Variants in DOCK1 observed in about 807,000 individuals in gnomAD.
The protein encoded by DOCK1 is dedicator of cytokinesis 1.
A neutral mutation model predicts 262.7 loss-of-function variants in DOCK1; 138 were observed. That is an observed-to-expected ratio of 0.53 (90% confidence interval 0.46 to 0.61). The LOEUF is 0.61. Among genes scored for constraint, DOCK1 ranks in the 20% least tolerant of loss-of-function variants. The probability of loss-of-function intolerance (pLI) is 0.00; values close to 1 mark genes in which losing one functional copy is unlikely to be tolerated. For missense variants in DOCK1, 1,908 were observed against 2,370.7 expected, an observed-to-expected ratio of 0.80 and a Z score of 4.05; for synonymous variants, 866 against 867.4, an observed-to-expected ratio of 1.00 and a Z score of 0.03.
chr10:127,390,234 C>T (rs2066395649), intron 38 of DOCK1, among the ~76,000 whole-genome samples: 1 of 152,136 alleles, frequency 6.6e-6, no homozygotes, highest in Admixed American at 6.5e-5. Flanking sequence ...CAGCTGAGCA[C>T]CAGAGAAACC....
intron 2 of DOCK1, among the ~76,000 whole-genome samples, chr10:126,971,693 C>T (rs1032554032): frequency 2.6e-5 from 4 of 152,184 alleles, no homozygotes; most frequent in African/African-American, 9.6e-5. Context: ...GCTGGAATTA[C>T]AGGCGTGAGC....
In DOCK1 at chr10:126,995,633, AGAGAGGGAGAGGGAGACCGTG is replaced by A. The variant is rs1482529418; in HGVS notation, c.474-1077_474-1057del. ...TCGGCATCAGAGGCAGACCGTGGAG[AGAGAGGGAGAGGGAGACCGTG>A]GAGAGGGAGAGGGAGACCGTGGAGA... On this transcript the variant is annotated intron_variant, in intron 6 of 51. Transcript: ENST00000623213. The surrounding 1 kb of genome is among the most constrained non-coding windows in gnomAD (Gnocchi z 5.8). Among the ~76,000 whole-genome samples, 38 of 151,966 alleles carry A rather than the reference AGAGAGGGAGAGGGAGACCGTG, an allele frequency of 2.5e-4. No homozygotes were observed. Among genetic ancestry groups the A allele is most frequent in the African/African-American group, 4.3e-4 (18 of 41,476 alleles).
At chr10:126,966,195 A>G (rs1247350302) in intron 1 of DOCK1, among the ~76,000 whole-genome samples, 2 of 151,954 alleles carry the variant, frequency 1.3e-5, no homozygotes, top group Admixed American at 6.6e-5. Context: ...ACAAGATTCT[A>G]TTTTTTTTAA....
intron 37 of DOCK1, 30 bp from the exon 38 acceptor site, chr10:127,384,760 G>C (rs779401251): frequency 3.3e-6 from 5 of 1,520,644 alleles, no homozygotes; most frequent in South Asian, 1.3e-5. Flanking sequence ...TTTCCGCCTC[G>C]GGTCCGCTCA....
chr10:127,419,138 G>A (rs2068342287), intron 45 of DOCK1, among the ~76,000 whole-genome samples: 1 of 152,196 alleles, frequency 6.6e-6, no homozygotes, highest in Non-Finnish European at 1.5e-5. Flanking sequence ...ATAGAGACCT[G>A]TATGGTCCAC....
At chr10:127,114,759 C>CT (rs57979480) in intron 25 of DOCK1, among the ~76,000 whole-genome samples, 378 of 108,288 alleles carry the variant, frequency 3.5e-3, no homozygotes, top group Admixed American at 5.8e-3. Context: ...TTTTTTCTTT[C>CT]TTTTTTTTTT....
intron 23 of DOCK1, among the ~76,000 whole-genome samples, chr10:127,099,177 C>G (rs1041597098): frequency 6.6e-6 from 1 of 152,140 alleles, no homozygotes; most frequent in African/African-American, 2.4e-5. Context: ...GAGAGGAATG[C>G]TTCTTGAAAA....
chr10:127,351,617 G>A (rs1253070757), intron 31 of DOCK1, among the ~76,000 whole-genome samples: 3 of 152,082 alleles, frequency 2.0e-5, no homozygotes, highest in African/African-American at 7.2e-5. Context: ...TTTATTGCTA[G>A]AGAGGAACTT....
At chr10:127,384,718 C>G in intron 37 of DOCK1, 72 bp from the exon 38 acceptor site, 2 of 1,452,348 alleles carry the variant, frequency 1.4e-6, no homozygotes, top group South Asian at 3.2e-5. Flanking sequence ...GTGTCCGATG[C>G]GAAGCTCACA....
chr10:126,962,651 G>A (rs1417514043), intron 1 of DOCK1, among the ~76,000 whole-genome samples: 1 of 152,144 alleles, frequency 6.6e-6, no homozygotes, highest in African/African-American at 2.4e-5. Context: ...TAGGGGATTT[G>A]TAAATACTTT....
At chr10:127,301,048 A>G (rs2061662182) in intron 29 of DOCK1, among the ~76,000 whole-genome samples, 1 of 152,210 alleles carries the variant, frequency 6.6e-6, no homozygotes, top group African/African-American at 2.4e-5. Context: ...TCTCTGGGGA[A>G]GAGGAGTCAG....
At chr10:126,976,944 A>G (rs1453636769) in intron 2 of DOCK1, among the ~76,000 whole-genome samples, 1 of 152,204 alleles carries the variant, frequency 6.6e-6, no homozygotes, top group Non-Finnish European at 1.5e-5. Context: ...CATGTTGGCC[A>G]GGCTGGTCTT....
chr10:127,374,673 TCCTGGATTA>T (rs1334023105), intron 35 of DOCK1, among the ~76,000 whole-genome samples: 1 of 152,210 alleles, frequency 6.6e-6, no homozygotes, highest in East Asian at 1.9e-4. Flanking sequence ...GATGGGATTA[TCCTGGATTA>T]CCTGCAAGGG....
At chr10:127,348,321 A>G (rs1389562494) in intron 31 of DOCK1, among the ~76,000 whole-genome samples, 1 of 152,006 alleles carries the variant, frequency 6.6e-6, no homozygotes, top group Non-Finnish European at 1.5e-5. Context: ...TTTTTACATT[A>G]TTGGGGTGCA....
rs745344562 is a variant in DOCK1, at chr10:127,155,392, T to A, written c.2847+27628T>A. Reference sequence around the variant, plus strand: ...GTGACCATATTCTGCTCCAAAGTGTTGCCAGGCACTTTCTGTGATTCATCA... The same window carrying A: ...GTGACCATATTCTGCTCCAAAGTGTAGCCAGGCACTTTCTGTGATTCATCA... On this transcript the variant is annotated intron_variant, in intron 27 of 51. Coordinates refer to ENST00000623213, the MANE Select transcript of DOCK1 (RefSeq NM_001290223.2). Among the ~76,000 whole-genome samples, 129 of 152,176 alleles carry A rather than the reference T, an allele frequency of 8.5e-4. 1 individual carries two copies. The highest frequency in any genetic ancestry group is 3.8e-3 in the Admixed American group (58 of 15,290).
Position 127,410,923 on chromosome 10 carries a change from C to G in DOCK1, c.4427C>G (p.Ala1476Gly). ...GAGAAAAACCCAGACAATGAATTTGCGGTAAAAAACAAACAAACCACCAAA... is the reference window on the plus strand; with the variant it reads ...GAGAAAAACCCAGACAATGAATTTGGGGTAAAAAACAAACAAACCACCAAA... The part of the protein sequence containing the change: ...KGEKNPDNEF[A>G]NMWIERTIYT... Residue 1476 changes from alanine to glycine, a missense_variant and splice_region_variant, in exon 43 of 52, where the codon GCG (alanine) becomes GGG (glycine). Coordinates refer to ENST00000623213, the MANE Select transcript of DOCK1 (RefSeq NM_001290223.2). The G allele has an allele frequency of 6.2e-7, 1 of 1,611,980 alleles. No individual in the cohort carries two copies. The highest frequency in any genetic ancestry group is 8.5e-7 in the Non-Finnish European group (1 of 1,179,218).
chr10:127,214,032 A>G (rs2058094864), intron 27 of DOCK1, among the ~76,000 whole-genome samples: 1 of 152,080 alleles, frequency 6.6e-6, no homozygotes, highest in African/African-American at 2.4e-5. Flanking sequence ...TTTCTTTAGC[A>G]GAGACAAGGT....
At chr10:127,143,095 C>G (rs1363207940) in intron 27 of DOCK1, among the ~76,000 whole-genome samples, 2 of 152,212 alleles carry the variant, frequency 1.3e-5, no homozygotes, top group Non-Finnish European at 2.9e-5. Flanking sequence ...TTGTCTCATG[C>G]TCCTATAAAT....
chr10:127,354,502 A>G (rs942771171), intron 31 of DOCK1, among the ~76,000 whole-genome samples, 167 bp from the exon 32 acceptor site: 1 of 152,218 alleles, frequency 6.6e-6, no homozygotes, highest in Non-Finnish European at 1.5e-5. Flanking sequence ...CCCCAGCTAG[A>G]TTCCTCCTCC....
Sources: allele counts gnomAD v4.1 joint callset (sites outside exome capture counted in the v4.1 genomes callset), GRCh38; gene constraint gnomAD v4.1.1; non-coding constraint Gnocchi (gnomAD v3.1); transcripts MANE v1.5; gene names NCBI Gene and HGNC (gene_info 2026-07-23, HGNC 2026-07-21).